Variants in MCC observed in about 807,000 individuals in gnomAD.
MCC encodes MCC regulator of Wnt signaling pathway.
MCC carries 90 observed loss-of-function variants against 116.2 expected under a neutral mutation model. The ratio of observed to expected loss-of-function variants is 0.77; its 90% confidence interval spans 0.65 to 0.92. The LOEUF (loss-of-function observed/expected upper bound fraction) is 0.92, where lower values mean the gene tolerates loss of function less well. Among genes scored for constraint, MCC ranks in the 40% least tolerant of loss-of-function variants. The pLI, the probability that MCC is intolerant of heterozygous loss-of-function variation, is 0.00. For synonymous variants in MCC, 578 were observed against 510.5 expected (o/e 1.13, Z -1.78); for missense variants, 1,516 against 1,312.2 (o/e 1.16, Z -2.40).
chr5:113,220,063 CT>C (rs70973676), intron 3 of MCC, among the ~76,000 whole-genome samples: 8 of 73,784 alleles, frequency 1.1e-4, no homozygotes, highest in Admixed American at 3.0e-4. Flanking sequence ...ATTTCTTTTT[CT>C]TTTTTTTTTT....
intron 1 of MCC, among the ~76,000 whole-genome samples, chr5:113,459,545 AG>A (rs1771687569): frequency 2.0e-5 from 3 of 152,070 alleles, no homozygotes; most frequent in Admixed American, 2.0e-4. Context: ...CTCAAAAAAA[AG>A]AAAAAGCCAG....
chr5:113,123,610 C>G lies in MCC; in HGVS notation c.885-784G>C, dbSNP rs139014117. 1.1e-3 allele frequency among the ~76,000 whole-genome samples: 160 copies of G among 152,304 alleles called. 1 individual carries two copies. In the East Asian group the frequency reaches 0.022, roughly 21 times the overall value. On this transcript the variant is annotated intron_variant, in intron 5 of 18. Transcript: ENST00000408903. ...TCTGGTCTCTTCACTGTACTATTAG[C>G]AAGCTGAGAAACTTAGAATTGCAGT...
intron 3 of MCC, among the ~76,000 whole-genome samples, chr5:113,327,136 A>G (rs1300926351): frequency 6.6e-6 from 1 of 152,116 alleles, no homozygotes; most frequent in Non-Finnish European, 1.5e-5. Context: ...TACGGAGAAA[A>G]GCTTCAGATC....
intron 1 of MCC, among the ~76,000 whole-genome samples, chr5:113,408,367 A>G (rs1331169965): frequency 2.6e-5 from 4 of 152,214 alleles, no homozygotes; most frequent in African/African-American, 9.7e-5. Context: ...AGGGAAGGGA[A>G]AGATGTTCTG....
chr5:113,337,499 G>A (rs1767897475), intron 3 of MCC, among the ~76,000 whole-genome samples: 1 of 152,150 alleles, frequency 6.6e-6, no homozygotes, highest in Admixed American at 6.5e-5. Context: ...TTCCAAATTT[G>A]TTCCTTCTTT....
intron 17 of MCC, among the ~76,000 whole-genome samples, chr5:113,033,149 T>C (rs1751074883): frequency 6.6e-6 from 1 of 152,232 alleles, no homozygotes; most frequent in Admixed American, 6.5e-5. Context: ...ATCGGTAATA[T>C]TTTCCAGTAA....
At chr5:113,084,972 G>A (rs562748125) in intron 9 of MCC, among the ~76,000 whole-genome samples, 192 bp downstream of exon 9, 2 of 152,356 alleles carry the variant, frequency 1.3e-5, no homozygotes, top group South Asian at 4.1e-4. Flanking sequence ...GGTTGCAGCT[G>A]AGAGAGACTT....
intron 8 of MCC, among the ~76,000 whole-genome samples, chr5:113,086,864 A>T (rs1182287159): frequency 1.3e-5 from 2 of 152,244 alleles, no homozygotes; most frequent in Non-Finnish European, 2.9e-5. Context: ...GGGCTTGCTA[A>T]AACAGATTCC....
At chr5:113,043,659 G>T (rs1751879105) in intron 16 of MCC, 29 bp from the exon 17 acceptor site, 7 of 1,541,664 alleles carry the variant, frequency 4.5e-6, no homozygotes, top group Non-Finnish European at 6.3e-6. Flanking sequence ...TTCCAGTTAG[G>T]CCTGAATCCA....
At position 113,044,401 on chromosome 5, in the gene MCC, CCTGAGTGCT is replaced by C. The variant is rs1751930949; in HGVS notation, c.2656-780_2656-772del. 5.6e-6 allele frequency: 4 copies of C among 719,312 alleles called. No individual in the cohort carries two copies. In the South Asian group the frequency reaches 2.5e-4, roughly 45 times the overall value. The allele number at this position is 719,312 out of a possible 1,614,324, so 44.6% of individuals were successfully genotyped here. On this transcript the variant is annotated intron_variant, in intron 16 of 18. Coordinates refer to ENST00000408903, the MANE Select transcript of MCC (RefSeq NM_001085377.2). ...AAGACTATTCAAAGCAGTGACCATGCCTGAGTGCTCTACATTCCATGCACAGAGAGGACA... is the reference window on the plus strand; with the variant it reads ...AAGACTATTCAAAGCAGTGACCATGCCTACATTCCATGCACAGAGAGGACA...
intron 1 of MCC, among the ~76,000 whole-genome samples, chr5:113,412,157 C>T (rs1770011432): frequency 6.6e-6 from 1 of 152,168 alleles, no homozygotes; most frequent in Non-Finnish European, 1.5e-5. Context: ...CAGTACCATG[C>T]TATTTTGGTT....
chr5:113,301,378 T>G (rs943352106), intron 3 of MCC, among the ~76,000 whole-genome samples: 2 of 151,246 alleles, frequency 1.3e-5, no homozygotes, highest in Admixed American at 6.6e-5. Context: ...GGGAGGAGAA[T>G]CGCTTGAACA....
chr5:113,205,794 G>C (rs1248065631), intron 3 of MCC, among the ~76,000 whole-genome samples: 1 of 152,208 alleles, frequency 6.6e-6, no homozygotes, highest in African/African-American at 2.4e-5. Context: ...GGGTGGCATG[G>C]GTAGATAGAG....
At chr5:113,294,563 A>T in intron 3 of MCC, 1 of 1,295,002 alleles carries the variant, frequency 7.7e-7, no homozygotes, top group Non-Finnish European at 9.8e-7. Flanking sequence ...TAAAAAGAGC[A>T]GCCGTGGCTC....
intron 3 of MCC, among the ~76,000 whole-genome samples, chr5:113,323,614 G>A (rs920511935): frequency 1.3e-5 from 2 of 152,096 alleles, no homozygotes; most frequent in African/African-American, 2.4e-5. Flanking sequence ...TCACAGAGGC[G>A]GTCTTAGCCA....
intron 3 of MCC, among the ~76,000 whole-genome samples, chr5:113,323,896 C>G (rs951855039): frequency 6.6e-6 from 1 of 152,164 alleles, no homozygotes; most frequent in African/African-American, 2.4e-5. Context: ...GACAATGTCT[C>G]TAATAAATAA....
At chr5:113,475,983 T>C (rs1221311242) in intron 1 of MCC, among the ~76,000 whole-genome samples, 14 of 152,204 alleles carry the variant, frequency 9.2e-5, no homozygotes, top group Non-Finnish European at 1.5e-4. Flanking sequence ...TATAAAGGTT[T>C]GTGTAAACAT....
chr5:113,416,175 A>G (rs1770141415), intron 1 of MCC, among the ~76,000 whole-genome samples: 1 of 152,198 alleles, frequency 6.6e-6, no homozygotes, highest in African/African-American at 2.4e-5. Context: ...AGCTGTTCCT[A>G]TTCGGCCATC....
At chr5:113,207,906 C>G (rs573472737) in intron 3 of MCC, among the ~76,000 whole-genome samples, 2 of 152,290 alleles carry the variant, frequency 1.3e-5, no homozygotes, top group Admixed American at 6.5e-5. Context: ...CTACTCTCAT[C>G]AGCAGAGGTG....
Sources: allele counts gnomAD v4.1 joint callset (sites outside exome capture counted in the v4.1 genomes callset), GRCh38; gene constraint gnomAD v4.1.1; transcripts MANE v1.5; gene names NCBI Gene and HGNC (gene_info 2026-07-23, HGNC 2026-07-21).